Variants in NSD1 observed in about 807,000 individuals in gnomAD.
NSD1 encodes the protein nuclear receptor binding SET domain protein 1.
A neutral mutation model predicts 242.7 loss-of-function variants in NSD1; 26 were observed. That is an observed-to-expected ratio of 0.11 (90% CI 0.08 to 0.15). The LOEUF (loss-of-function observed/expected upper bound fraction) is 0.15. NSD1 is among the 10% of genes least tolerant of loss of function. The pLI is 1.00. For synonymous variants in NSD1, 1,106 were observed against 1,178.1 expected, an observed-to-expected ratio of 0.94 and a Z score of 1.25; for missense variants, 2,495 against 3,272.8, an observed-to-expected ratio of 0.76 and a Z score of 5.80.
intron 3 of NSD1, among the ~76,000 whole-genome samples, chr5:177,202,084 C>T (rs1403722435): frequency 6.6e-6 from 1 of 151,674 alleles, no homozygotes; most frequent in Non-Finnish European, 1.5e-5. Context: ...GGGAGAATCG[C>T]TTGAACCTGG....
intron 12 of NSD1, among the ~76,000 whole-genome samples, chr5:177,252,883 G>T (rs1411054391): frequency 6.7e-6 from 1 of 148,522 alleles, no homozygotes; most frequent in Non-Finnish European, 1.5e-5. Context: ...TAGATCTTAT[G>T]CCTGTAAGTC....
At chr5:177,173,339 A>G (rs1193029226) in intron 2 of NSD1, among the ~76,000 whole-genome samples, 2 of 151,760 alleles carry the variant, frequency 1.3e-5, no homozygotes, top group Non-Finnish European at 2.9e-5. Context: ...AACTTCAGTA[A>G]CTACAAGAAG....
At chr5:177,192,158 C>G in intron 3 of NSD1, 139 bp downstream of exon 3, 4 of 751,228 alleles carry the variant, frequency 5.3e-6, no homozygotes, top group Non-Finnish European at 8.1e-6. Flanking sequence ...TCTTTTGGGG[C>G]TTTTAAAAGT....
At chr5:177,209,398 G>T (rs533301602) in intron 4 of NSD1, among the ~76,000 whole-genome samples, 1 of 151,450 alleles carries the variant, frequency 6.6e-6, no homozygotes, top group Non-Finnish European at 1.5e-5. Flanking sequence ...GTGTGGTGGC[G>T]GGTGCCTGTA....
At chr5:177,163,725 C>T (rs1176309001) in intron 2 of NSD1, among the ~76,000 whole-genome samples, 1 of 152,168 alleles carries the variant, frequency 6.6e-6, no homozygotes, top group Non-Finnish European at 1.5e-5. Context: ...TAAGTATTAT[C>T]TCATTTAATC....
chr5:177,295,863 T>C lies in NSD1; in HGVS notation c.*404T>C. The C allele has an allele frequency of 5.1e-6, 2 of 391,274 alleles. No homozygotes were observed. The highest frequency in any genetic ancestry group is 9.5e-6 in the Non-Finnish European group (2 of 210,484). The allele number at this position is 391,274 out of a possible 1,614,324, so 24.2% of individuals were successfully genotyped here. A position where few individuals can be genotyped will look rare whatever the true frequency, so the allele number is the denominator to read the frequency against. On this transcript the variant is annotated 3_prime_UTR_variant, in exon 23 of 23. Transcript: ENST00000439151. The surrounding 1 kb of genome is among the most constrained non-coding windows in gnomAD (Gnocchi z 4.3). ...CCCATTGAGGGCACCTAGGAACCCTTGGGAGGAAATGGTGTTCTTTCAAAT... is the reference window on the plus strand; with the variant it reads ...CCCATTGAGGGCACCTAGGAACCCTCGGGAGGAAATGGTGTTCTTTCAAAT...
intron 16 of NSD1, 35 bp from the exon 17 acceptor site, chr5:177,273,637 G>T: frequency 6.8e-7 from 1 of 1,477,402 alleles, no homozygotes; most frequent in South Asian, 1.1e-5. Flanking sequence ...TCCACCCAGA[G>T]ATTTTGAAGT....
In NSD1 at chr5:177,241,963, C is replaced by T. The variant is rs1305312859; in HGVS notation, c.4302+2098C>T. Among the ~76,000 whole-genome samples the T allele has an allele frequency of 2.0e-5, 3 of 152,148 alleles. No homozygotes were observed. The East Asian group carries it at 5.8e-4, about 29-fold the overall frequency. ...TGGCTTAATGTATATCCACACTAGA[C>T]TATATATACAAAGTAAGTTACTGGC... On this transcript the variant is annotated intron_variant, in intron 8 of 22. Coordinates refer to ENST00000439151, the MANE Select transcript of NSD1 (RefSeq NM_022455.5).
chr5:177,242,837 C>T (rs183162386), intron 8 of NSD1, among the ~76,000 whole-genome samples: 6 of 152,236 alleles, frequency 3.9e-5, no homozygotes, highest in Non-Finnish European at 5.9e-5. Flanking sequence ...CCAGAATGGC[C>T]TTTACTATGC....
At chr5:177,171,860 A>G (rs892031622) in intron 2 of NSD1, among the ~76,000 whole-genome samples, 1 of 152,222 alleles carries the variant, frequency 6.6e-6, no homozygotes, top group African/African-American at 2.4e-5. Flanking sequence ...TGTGATGGAC[A>G]TTTGAGTTGA....
intron 5 of NSD1, among the ~76,000 whole-genome samples, chr5:177,225,739 A>G (rs866934894): frequency 5.9e-5 from 9 of 152,192 alleles, no homozygotes; most frequent in Non-Finnish European, 8.8e-5. Context: ...ATTTTCGTTC[A>G]TTATATTTCA....
At chr5:177,190,809 A>G (rs1179064823) in intron 2 of NSD1, among the ~76,000 whole-genome samples, 1 of 147,968 alleles carries the variant, frequency 6.8e-6, no homozygotes, top group East Asian at 2.0e-4. Flanking sequence ...AGCTGGGACT[A>G]CAGGCGCCCG....
chr5:177,178,698 C>T (rs1176643634), intron 2 of NSD1, among the ~76,000 whole-genome samples: 3 of 152,094 alleles, frequency 2.0e-5, no homozygotes, highest in Non-Finnish European at 4.4e-5. Context: ...TCGACCTCCT[C>T]GGCTTAAGTG....
chr5:177,294,580 C>T lies in NSD1; in HGVS notation c.7212C>T (p.Asp2404=), dbSNP rs1437860689. ...GCAGTCCCAAACCCCAGACTTCAGA[C>T]AGGCCTACTGACAAACCCCATGCCT... is the stretch of plus-strand genomic sequence containing the variant. ...ITSSPKPQTS[D]RPTDKPHASL... is the part of the protein sequence containing the mutation. The change falls in exon 23 of 23, where the codon GAC becomes GAT. Residue 2404 remains aspartate (D), a synonymous_variant. Transcript: ENST00000439151. 6.2e-7 allele frequency: 1 copy of T among 1,614,240 alleles called. No homozygotes were observed. The highest frequency in any genetic ancestry group is 8.5e-7 in the Non-Finnish European group (1 of 1,180,040).
intron 12 of NSD1, among the ~76,000 whole-genome samples, chr5:177,252,485 C>T (rs1314865918): frequency 1.4e-5 from 2 of 146,644 alleles, no homozygotes; most frequent in Admixed American, 6.9e-5. Context: ...TAGGAATAGT[C>T]AGCTGAGACC....
rs987759260 is a variant in NSD1, at chr5:177,207,940, T to G, written c.1237-1696T>G. On this transcript the variant is annotated intron_variant, in intron 4 of 22. Coordinates refer to ENST00000439151, the MANE Select transcript of NSD1 (RefSeq NM_022455.5). ...TGTGTGTGCGTGTGTGTGTGTGTGT[T>G]TTTAGTAGAGACAGGGTCTGGTTGT... Among the ~76,000 whole-genome samples, 11 of 151,088 alleles carry G rather than the reference T, an allele frequency of 7.3e-5. No homozygotes were observed. The East Asian group carries it at 1.4e-3, about 19-fold the overall frequency.
chr5:177,136,181 T>G, intron 2 of NSD1, 151 bp downstream of exon 2: 2 of 673,004 alleles, frequency 3.0e-6, no homozygotes, highest in South Asian at 3.5e-5. Flanking sequence ...AAAATTTTAC[T>G]TTGATTTTTA....
At chr5:177,164,149 C>CTTTTTTTTTTTTTTTTTTTTTTTTT (rs56076836) in intron 2 of NSD1, among the ~76,000 whole-genome samples, 1 of 138,392 alleles carries the variant, frequency 7.2e-6, no homozygotes, top group African/African-American at 2.7e-5. Flanking sequence ...AAAATGTAAC[C>CTTTTTTTTTTTTTTTTTTTTTTTTT]TTTTTTTTTT....
intron 5 of NSD1, among the ~76,000 whole-genome samples, chr5:177,230,864 A>G (rs992994050): frequency 1.3e-5 from 2 of 151,754 alleles, no homozygotes; most frequent in East Asian, 1.9e-4. Flanking sequence ...GACTTAGCCT[A>G]TGGAACCTGC....
Sources: gnomAD v4.1 joint callset for allele counts (sites outside exome capture counted in the v4.1 genomes callset) on GRCh38, gnomAD v4.1.1 for gene constraint, Gnocchi (gnomAD v3.1) non-coding constraint, MANE v1.5 for transcripts, NCBI Gene and HGNC (gene_info 2026-07-23, HGNC 2026-07-21) for gene names.